The following ZFHX3 variants were observed in gnomAD, a reference collection of about 807,000 sequenced individuals.
ZFHX3 encodes zinc finger homeobox protein 3.
In ZFHX3, 42 loss-of-function variants were observed where a neutral mutation model predicts 279.1. The ratio of observed to expected loss-of-function variants is 0.15; its 90% CI spans 0.12 to 0.19. The LOEUF is 0.19. ZFHX3 is among the 10% of genes least tolerant of loss of function. The pLI, the probability that ZFHX3 is intolerant of heterozygous loss-of-function variation, is 1.00. For missense variants in ZFHX3, 4,981 were observed against 4,754.0 expected (o/e 1.05, Z -1.40); for synonymous variants, 2,293 against 1,957.8 (o/e 1.17, Z -4.52).
chr16:72,932,653 CAAAAAAA>C (rs3079316), intron 3 of ZFHX3, among the ~76,000 whole-genome samples: 26 of 103,226 alleles, frequency 2.5e-4, no homozygotes, highest in African/African-American at 6.4e-4. Flanking sequence ...TGCTCCGCAC[CAAAAAAA>C]AAAAAAAAAA....
At chr16:73,181,034 G>A (rs904644075) in intron 5 of ZFHX3, among the ~76,000 whole-genome samples, 2 of 152,126 alleles carry the variant, frequency 1.3e-5, no homozygotes, top group Non-Finnish European at 2.9e-5. Context: ...GGAGTAATTT[G>A]TGTAGGCAGG....
At chr16:73,762,897 G>A (rs532633411) in intron 1 of ZFHX3, among the ~76,000 whole-genome samples, 1 of 151,996 alleles carries the variant, frequency 6.6e-6, no homozygotes, top group Non-Finnish European at 1.5e-5. Flanking sequence ...CTAGGTGATG[G>A]GTTGATAGGT....
At chr16:73,698,527 C>T (rs565739661) in intron 1 of ZFHX3, among the ~76,000 whole-genome samples, 9 of 152,250 alleles carry the variant, frequency 5.9e-5, no homozygotes, top group East Asian at 1.9e-4. Context: ...ACCAAGATAA[C>T]GTCGTCAGTA....
chr16:73,356,228 C>G (rs931443838), intron 3 of ZFHX3, among the ~76,000 whole-genome samples: 1 of 152,202 alleles, frequency 6.6e-6, no homozygotes, highest in African/African-American at 2.4e-5. Flanking sequence ...GAAACAAACA[C>G]AAGACAGGAC....
chr16:72,857,759 GTTA>G (rs2037789242), intron 4 of ZFHX3, among the ~76,000 whole-genome samples: 1 of 152,182 alleles, frequency 6.6e-6, no homozygotes, highest in Non-Finnish European at 1.5e-5. Context: ...AAGCTGAGGA[GTTA>G]TTTTTTCCCA....
chr16:73,359,181 G>GT (rs55639015), intron 3 of ZFHX3, among the ~76,000 whole-genome samples: 3,311 of 145,822 alleles, frequency 0.023, 118 homozygotes, highest in African/African-American at 0.077. Context: ...TTTAGAAGAG[G>GT]TTTTTTTTTT....
chr16:73,850,828 G>A (rs534685580), intron 1 of ZFHX3, among the ~76,000 whole-genome samples: 1 of 152,216 alleles, frequency 6.6e-6, no homozygotes, highest in South Asian at 2.1e-4. Context: ...GCTTCCTCAG[G>A]GTGAAGGGTA....
chr16:72,911,676 A>C lies in ZFHX3; in HGVS notation c.3217-21714T>G, dbSNP rs78711661. Among the ~76,000 whole-genome samples the C allele has an allele frequency of 8.9e-3, 1,352 of 152,362 alleles. 41 individuals carry two copies. Among genetic ancestry groups the C allele is most frequent in the Admixed American group, 0.033 (507 of 15,306 alleles). ...ATTTAAATTTAAATTAAGTTAAATA[A>C]AATGAAAAGTTCAATCCCTCGGTGA... On this transcript the variant is annotated intron_variant, in intron 3 of 9. Transcript: ENST00000268489.
chr16:73,319,056 C>T (rs550953168), intron 3 of ZFHX3, among the ~76,000 whole-genome samples: 160 of 139,064 alleles, frequency 1.2e-3, no homozygotes, highest in African/African-American at 4.0e-3. Flanking sequence ...ACCAGCTCAG[C>T]AGTAAATACC....
intron 1 of ZFHX3, among the ~76,000 whole-genome samples, chr16:73,744,615 G>A (rs1374401869): frequency 1.3e-5 from 2 of 152,082 alleles, no homozygotes; most frequent in African/African-American, 4.8e-5. Context: ...ATGCATATCT[G>A]GTTGGCATCT....
intron 3 of ZFHX3, among the ~76,000 whole-genome samples, chr16:73,335,266 G>C (rs16971731): frequency 0.027 from 4,165 of 152,118 alleles, 203 homozygotes; most frequent in African/African-American, 0.094. Flanking sequence ...AATGAAGACA[G>C]GTTTATTTTC....
chr16:72,801,686 G>C (rs2036105932), intron 7 of ZFHX3, among the ~76,000 whole-genome samples: 1 of 152,204 alleles, frequency 6.6e-6, no homozygotes, highest in South Asian at 2.1e-4. Context: ...ACAGACATCT[G>C]CACCTCACAC....
chr16:73,152,622 CT>C (rs11318696), intron 5 of ZFHX3, among the ~76,000 whole-genome samples: 100,746 of 145,918 alleles, frequency 0.69, 35,214 homozygotes, highest in Middle Eastern at 0.8. Flanking sequence ...ATTTTTCTTT[CT>C]TTTTTTTTTT....
At chr16:73,572,841 A>C (rs760654920) in intron 2 of ZFHX3, among the ~76,000 whole-genome samples, 37 of 152,168 alleles carry the variant, frequency 2.4e-4, no homozygotes, top group Admixed American at 5.9e-4. Context: ...ATCAACCTAA[A>C]TTGGAATCCT....
At chr16:73,328,688 G>A (rs4888646) in intron 3 of ZFHX3, among the ~76,000 whole-genome samples, 58,749 of 152,020 alleles carry the variant, frequency 0.39, 13,015 homozygotes, top group Non-Finnish European at 0.52. Flanking sequence ...CAAATACGAT[G>A]TGTGGTGGAC....
chr16:73,351,347 C>T (rs2016237713), intron 3 of ZFHX3, among the ~76,000 whole-genome samples: 1 of 152,308 alleles, frequency 6.6e-6, no homozygotes, highest in Non-Finnish European at 1.5e-5. Flanking sequence ...AACAAACACA[C>T]TGGTCCAACA....
chr16:73,099,237 T>C (rs1293754776), intron 7 of ZFHX3: 1 of 152,212 alleles, frequency 6.6e-6, no homozygotes, highest in Admixed American at 6.5e-5. Flanking sequence ...TATTGTATCC[T>C]CTTATCTATG....
At chr16:73,737,362 A>G (rs72803135) in intron 1 of ZFHX3, among the ~76,000 whole-genome samples, 2,366 of 152,306 alleles carry the variant, frequency 0.016, 38 homozygotes, top group Non-Finnish European at 0.028. Context: ...GATAACAAAT[A>G]TGTTTGACAA....
intron 3 of ZFHX3, among the ~76,000 whole-genome samples, chr16:72,901,333 T>C (rs1382481277): frequency 6.6e-6 from 1 of 152,194 alleles, no homozygotes; most frequent in Non-Finnish European, 1.5e-5. Flanking sequence ...TTCTGGTTGT[T>C]GCTGCAGAGC....
Sources: allele counts gnomAD v4.1 joint callset (sites outside exome capture counted in the v4.1 genomes callset), GRCh38; gene constraint gnomAD v4.1.1; transcripts MANE v1.5; gene names NCBI Gene and HGNC (gene_info 2026-07-23, HGNC 2026-07-21).